FRMD4A: variants seen among roughly 807,000 people sequenced by gnomAD.
The protein encoded by FRMD4A is FERM domain containing 4A.
A neutral mutation model predicts 129.1 loss-of-function variants in FRMD4A; 29 were observed. The observed-to-expected ratio is 0.22, with a 90% CI of 0.17 to 0.31. FRMD4A has a LOEUF of 0.31. Among genes scored for constraint, FRMD4A ranks in the 10% least tolerant of loss-of-function variants. The probability of loss-of-function intolerance (pLI) is 1.00; values close to 1 mark genes in which losing one functional copy is unlikely to be tolerated. For missense variants in FRMD4A, 1,272 were observed against 1,375.8 expected, an observed-to-expected ratio of 0.92 and a Z score of 1.19; for synonymous variants, 634 against 571.6, an observed-to-expected ratio of 1.11 and a Z score of -1.56.
At chr10:13,964,963 C>T (rs761465038) in intron 2 of FRMD4A, among the ~76,000 whole-genome samples, 3 of 152,040 alleles carry the variant, frequency 2.0e-5, no homozygotes, top group Non-Finnish European at 2.9e-5. Flanking sequence ...GGATTACAGG[C>T]GTGAGCCACT....
At chr10:13,921,414 A>T (rs1250253677) in intron 2 of FRMD4A, among the ~76,000 whole-genome samples, 2 of 152,168 alleles carry the variant, frequency 1.3e-5, no homozygotes, top group South Asian at 4.2e-4. Flanking sequence ...GGCGTGTGCC[A>T]CCATGCTTGG....
intron 4 of FRMD4A, among the ~76,000 whole-genome samples, chr10:13,808,797 G>A (rs1564838127): frequency 6.6e-6 from 1 of 152,194 alleles, no homozygotes; most frequent in Admixed American, 6.5e-5. Flanking sequence ...TCCTTCTGTG[G>A]CTGGAGAGAC....
chr10:13,643,810 ATTTCT>A lies in FRMD4A; in HGVS notation c.*3223_*3227del, dbSNP rs2080953876. The A allele has an allele frequency of 6.6e-6, 1 of 152,656 alleles. No individual in the cohort carries two copies. The highest frequency in any genetic ancestry group is 6.5e-5 in the Admixed American group (1 of 15,280). The allele number at this position is 152,656 out of a possible 1,614,324, so 9.5% of individuals were successfully genotyped here. ...TACAAAAAGAATAAATTAAAAGCAG[ATTTCT>A]TTTTTTAATTCTGCAACTTTGTCTA... On this transcript the variant is annotated 3_prime_UTR_variant, in exon 25 of 25. Coordinates refer to ENST00000357447, the MANE Select transcript of FRMD4A (RefSeq NM_018027.5).
intron 12 of FRMD4A, among the ~76,000 whole-genome samples, chr10:13,715,410 T>C (rs1383005044): frequency 1.3e-5 from 2 of 152,208 alleles, no homozygotes; most frequent in Non-Finnish European, 2.9e-5. Context: ...CAATATAGAA[T>C]AGCATGGATT....
At chr10:14,197,188 A>C (rs557103744) in intron 2 of FRMD4A, among the ~76,000 whole-genome samples, 1 of 152,278 alleles carries the variant, frequency 6.6e-6, no homozygotes, top group Admixed American at 6.5e-5. Flanking sequence ...CATTAACCTC[A>C]CAATAAGGGA....
intron 23 of FRMD4A, chr10:13,653,157 T>C (rs1423936083): frequency 6.6e-6 from 1 of 151,944 alleles, no homozygotes; most frequent in Non-Finnish European, 1.5e-5. Context: ...CAGTAAGTGT[T>C]AGGACCCTTT....
At chr10:13,685,226 A>G in intron 15 of FRMD4A, 1 of 983,174 alleles carries the variant, frequency 1.0e-6, no homozygotes, top group Non-Finnish European at 1.2e-6. Context: ...TTCAGAGAGC[A>G]TTGAAATTGA....
chr10:14,039,133 G>A (rs1833640903), intron 2 of FRMD4A, among the ~76,000 whole-genome samples: 1 of 152,142 alleles, frequency 6.6e-6, no homozygotes, highest in Non-Finnish European at 1.5e-5. Flanking sequence ...TGTACTGCAA[G>A]CATCGGGCTA....
At chr10:14,133,186 A>G (rs1839355168) in intron 2 of FRMD4A, among the ~76,000 whole-genome samples, 1 of 152,202 alleles carries the variant, frequency 6.6e-6, no homozygotes. Context: ...ATTAGATGAC[A>G]TTTTGCTAAA....
At chr10:14,130,436 T>C (rs1371524641) in intron 2 of FRMD4A, among the ~76,000 whole-genome samples, 1 of 152,048 alleles carries the variant, frequency 6.6e-6, no homozygotes, top group Non-Finnish European at 1.5e-5. Context: ...AATTAAAAAT[T>C]TTTTATGTAG....
Position 13,645,498 on chromosome 10 carries a change from A to C in FRMD4A, c.*1540T>G, listed in dbSNP as rs2134288727. 1 of 152,734 alleles carries C rather than the reference A, an allele frequency of 6.5e-6. No individual in the cohort carries two copies. Among genetic ancestry groups the C allele is most frequent in the Non-Finnish European group, 1.5e-5 (1 of 68,026 alleles). 9.5% of individuals were successfully genotyped at this position (152,734 alleles called of 1,614,324 possible). On this transcript the variant is annotated 3_prime_UTR_variant, in exon 25 of 25. Coordinates refer to ENST00000357447, the MANE Select transcript of FRMD4A (RefSeq NM_018027.5). ...GTATTTTTGAGGCCTTTGAAGATTGATGGCTTTCCAGTTGTGTTTGAAGCA... is the reference window on the plus strand; with the variant it reads ...GTATTTTTGAGGCCTTTGAAGATTGCTGGCTTTCCAGTTGTGTTTGAAGCA...
chr10:13,788,263 G>C (rs1037422460), intron 5 of FRMD4A, among the ~76,000 whole-genome samples: 1 of 152,094 alleles, frequency 6.6e-6, no homozygotes, highest in African/African-American at 2.4e-5. Flanking sequence ...CTATTTCCCT[G>C]CCCTCACCAC....
intron 24 of FRMD4A, chr10:13,651,689 T>G (rs1410413262): frequency 1.8e-6 from 1 of 568,740 alleles, no homozygotes; most frequent in Non-Finnish European, 3.1e-6. Flanking sequence ...AAACATACTC[T>G]GGGGGTCTTT....
intron 8 of FRMD4A, among the ~76,000 whole-genome samples, chr10:13,755,324 T>C (rs1262508436): frequency 1.3e-5 from 2 of 152,172 alleles, no homozygotes; most frequent in Admixed American, 1.3e-4. Flanking sequence ...TCAGTTTATA[T>C]TAATTCACAC....
At chr10:14,289,047 T>A (rs1458291046) in intron 2 of FRMD4A, among the ~76,000 whole-genome samples, 3 of 152,248 alleles carry the variant, frequency 2.0e-5, no homozygotes, top group Non-Finnish European at 4.4e-5. Context: ...TTTCTACATC[T>A]GGGCTATTAT....
intron 2 of FRMD4A, among the ~76,000 whole-genome samples, chr10:14,220,269 A>G (rs1055700318): frequency 4.6e-5 from 7 of 152,232 alleles, no homozygotes; most frequent in Non-Finnish European, 1.0e-4. Flanking sequence ...TCAAGCCTCA[A>G]AGTGCCTTGT....
In FRMD4A at chr10:13,917,284, A is replaced by ATTTT. The variant is rs34360967; in HGVS notation, c.46-58376_46-58373dup. On this transcript the variant is annotated intron_variant, in intron 2 of 24. Transcript: ENST00000357447. ...GGTTCTATCTTAATATCCATCACAGATTTTTTTTTTTTTTTTGAGATGGAG... is the reference window on the plus strand; with the variant it reads ...GGTTCTATCTTAATATCCATCACAGATTTTTTTTTTTTTTTTTTTTGAGATGGAG... Among the ~76,000 whole-genome samples the ATTTT allele has an allele frequency of 2.4e-3, 337 of 141,474 alleles. 5 individuals are homozygous for ATTTT. The highest frequency in any genetic ancestry group is 8.5e-3 in the African/African-American group (323 of 37,992). The allele number at this position is 141,474 out of a possible 152,430, so 92.8% of individuals were successfully genotyped here. A position where few individuals can be genotyped will look rare whatever the true frequency, so the allele number is the denominator to read the frequency against.
At chr10:13,865,203 T>A (rs2094349471) in intron 2 of FRMD4A, among the ~76,000 whole-genome samples, 1 of 152,110 alleles carries the variant, frequency 6.6e-6, no homozygotes, top group South Asian at 2.1e-4. Flanking sequence ...AGCGTCTACC[T>A]CTTAGGAATC....
At position 13,874,703 on chromosome 10, in the gene FRMD4A, T is replaced by C. The variant is rs188979014; in HGVS notation, c.46-15791A>G. ...CAAACAGCTAAAAAGTCCAGATCCTTGGACTCTGTCATTTCTCTTCTAGGA... is the reference window on the plus strand; with the variant it reads ...CAAACAGCTAAAAAGTCCAGATCCTCGGACTCTGTCATTTCTCTTCTAGGA... On this transcript the variant is annotated intron_variant, in intron 2 of 24. Transcript: ENST00000357447. Among the ~76,000 whole-genome samples, 1,138 of 152,338 alleles carry C rather than the reference T, an allele frequency of 7.5e-3. 14 individuals are homozygous for C. The highest frequency in any genetic ancestry group is 0.014 in the Middle Eastern group (4 of 294).
Sources: allele counts gnomAD v4.1 joint callset (sites outside exome capture counted in the v4.1 genomes callset), GRCh38; gene constraint gnomAD v4.1.1; transcripts MANE v1.5; gene names NCBI Gene and HGNC (gene_info 2026-07-23, HGNC 2026-07-21).